IFIH1: variants seen among roughly 807,000 people sequenced by gnomAD.
IFIH1 encodes the protein interferon induced with helicase C domain 1.
In IFIH1, 125 loss-of-function variants were observed where a neutral mutation model predicts 107.4. That is an observed-to-expected ratio of 1.16 (90% CI 1.01 to 1.35). IFIH1 has a LOEUF of 1.35. IFIH1 is among the 40% of genes most tolerant of loss of function. The pLI is 0.00. For synonymous variants in IFIH1, 458 were observed against 413.2 expected (o/e 1.11, Z -1.31); for missense variants, 1,333 against 1,213.7 (o/e 1.10, Z -1.46).
At chr2:162,276,288 GA>G (rs1691153318) in intron 11 of IFIH1, among the ~76,000 whole-genome samples, 1 of 152,248 alleles carries the variant, frequency 6.6e-6, no homozygotes, top group African/African-American at 2.4e-5. Context: ...AACAATTTGA[GA>G]AGAGTAATAA....
rs1231638178 is a variant in IFIH1, at chr2:162,317,880, A to G, written c.428T>C (p.Leu143Pro). 29 of 1,593,716 alleles carry G rather than the reference A, an allele frequency of 1.8e-5. No individual in the cohort carries two copies. Among genetic ancestry groups the G allele is most frequent in the Middle Eastern group, 1.7e-4 (1 of 5,934 alleles). Residue 143 changes from leucine to proline, a missense_variant, in exon 1 of 16, where the codon CTG becomes CCG. Leu to Pro is a moderately conservative substitution (Grantham distance 98, BLOSUM62 -3). Coordinates refer to ENST00000649979, the MANE Select transcript of IFIH1 (RefSeq NM_022168.4). Reference protein sequence around the residue: ...DVLDKCMEEELLTIEDRNRIA... With the variant: ...DVLDKCMEEEPLTIEDRNRIA... ...CCGGTTTCTGTCTTCAATTGTCAACAGTTCCTCCTCCATGCACTTATCCAA... is the reference window on the plus strand; with the variant it reads ...CCGGTTTCTGTCTTCAATTGTCAACGGTTCCTCCTCCATGCACTTATCCAA...
intron 3 of IFIH1, among the ~76,000 whole-genome samples, chr2:162,300,663 A>G (rs1683177541): frequency 6.6e-6 from 1 of 152,242 alleles, no homozygotes; most frequent in South Asian, 2.1e-4. Flanking sequence ...CTAGTTCTCA[A>G]TAATTAATGA....
In IFIH1 at chr2:162,268,114, T is replaced by C. The variant is rs747311719; in HGVS notation, c.2780A>G (p.His927Arg). The C allele has an allele frequency of 4.4e-6, 7 of 1,607,550 alleles. No individual in the cohort carries two copies. The highest frequency in any genetic ancestry group is 1.1e-5 in the South Asian group (1 of 89,202). The change falls in exon 14 of 16, where the codon CAT becomes CGT. Residue 927 changes from histidine (H) to arginine (R), a missense_variant. By Grantham distance (29) the His-to-Arg change is conservative. Coordinates refer to ENST00000649979, the MANE Select transcript of IFIH1 (RefSeq NM_022168.4). The part of the protein sequence containing the change: ...GEDIHVIEKM[H>R]HVNMTPEFKE... ...GAATTCTGGGGTCATATTGACGTGATGCATTTTCTCAATTACATGGATATC... is the reference window on the plus strand; with the variant it reads ...GAATTCTGGGGTCATATTGACGTGACGCATTTTCTCAATTACATGGATATC...
At chr2:162,284,724 G>A (rs1242858851) in intron 5 of IFIH1, among the ~76,000 whole-genome samples, 1 of 151,552 alleles carries the variant, frequency 6.6e-6, no homozygotes, top group Non-Finnish European at 1.5e-5. Context: ...ATCTGAGAGT[G>A]CTTTATAAAG....
At position 162,267,219 on chromosome 2, in the gene IFIH1, A is replaced by G. The variant is rs1345435216; in HGVS notation, c.3059T>C (p.Leu1020Ser). 1 of 1,593,196 alleles carries G rather than the reference A, an allele frequency of 6.3e-7. No homozygotes were observed. The highest frequency in any genetic ancestry group is 1.4e-5 in the African/African-American group (1 of 73,326). The change falls in exon 16 of 16, where the codon TTA becomes TCA. Residue 1020 changes from leucine (L) to serine (S), a missense_variant. Transcript: ENST00000649979. ...CAAGTGCTAATCCTCATCACTAAATAAACAGCATTCTGAATAGTCAAGATT... is the reference window on the plus strand; with the variant it reads ...CAAGTGCTAATCCTCATCACTAAATGAACAGCATTCTGAATAGTCAAGATT... The part of the protein sequence containing the change: ...FPNLDYSECC[L>S]FSDED
intron 2 of IFIH1, 57 bp from the exon 3 acceptor site, chr2:162,306,912 A>T: frequency 6.8e-7 from 1 of 1,465,280 alleles, no homozygotes; most frequent in African/African-American, 1.4e-5. Context: ...TTTGTAGAGC[A>T]TACATAACTG....
chr2:162,280,580 A>G (rs920234446), intron 7 of IFIH1, among the ~76,000 whole-genome samples: 1 of 152,084 alleles, frequency 6.6e-6, no homozygotes, highest in Admixed American at 6.6e-5. Context: ...GCATCTACAC[A>G]TAAAGCTGGG....
chr2:162,291,704 C>T (rs1682999913), intron 4 of IFIH1, among the ~76,000 whole-genome samples: 2 of 151,930 alleles, frequency 1.3e-5, no homozygotes, highest in East Asian at 3.9e-4. Context: ...GATTAAAACA[C>T]AATTGCAAAT....
intron 12 of IFIH1, among the ~76,000 whole-genome samples, chr2:162,273,465 C>G (rs1382313626): frequency 1.3e-5 from 2 of 152,112 alleles, no homozygotes; most frequent in East Asian, 3.9e-4. Flanking sequence ...CCTGGTCCAG[C>G]TGGGGGCTCA....
Position 162,310,857 on chromosome 2 carries a change from C to A in IFIH1, c.530G>T (p.Trp177Leu). ...LLKRIVQKEN[W>L]FSAFLNVLRQ... ...AAGAACATTCAGAAATGCAGAGAAC[C>A]AGTTTTCTTTCTGCACAATCCTTTT... Residue 177 changes from tryptophan (W) to leucine (L), a missense_variant, in exon 2 of 16, where the codon TGG becomes TTG. Coordinates refer to ENST00000649979, the MANE Select transcript of IFIH1 (RefSeq NM_022168.4). The A allele has an allele frequency of 6.2e-7, 1 of 1,612,618 alleles. No individual in the cohort carries two copies. Among genetic ancestry groups the A allele is most frequent in the Non-Finnish European group, 8.5e-7 (1 of 1,178,752 alleles).
chr2:162,314,399 CTTTCTTT>C lies in IFIH1; in HGVS notation c.453+3449_453+3455del, dbSNP rs1683438130. 1.8e-4 allele frequency among the ~76,000 whole-genome samples: 10 copies of C among 56,762 alleles called. 1 individual carries two copies. Among genetic ancestry groups the C allele is most frequent in the African/African-American group, 9.4e-4 (10 of 10,596 alleles). 37.2% of individuals were successfully genotyped at this position (56,762 alleles called of 152,430 possible). On this transcript the variant is annotated intron_variant, in intron 1 of 15. Coordinates refer to ENST00000649979, the MANE Select transcript of IFIH1 (RefSeq NM_022168.4). Reference sequence around the variant, plus strand: ...CCCTCCCTCCCTCCCTCCCTCCCTCCTTTCTTTCTTTCTTTCTTTTCTTTCTTTCTTT... The same window carrying C: ...CCCTCCCTCCCTCCCTCCCTCCCTCCCTTTCTTTCTTTTCTTTCTTTCTTT...
Position 162,279,978 on chromosome 2 carries a change from A to C in IFIH1, c.1641+18T>G. 1 of 1,277,810 alleles carries C rather than the reference A, an allele frequency of 7.8e-7. No individual in the cohort carries two copies. Among genetic ancestry groups the C allele is most frequent in the Non-Finnish European group, 1.1e-6 (1 of 873,942 alleles). 79.2% of individuals were successfully genotyped at this position (1,277,810 alleles called of 1,614,324 possible). ...TGTAGTATTGTCAATCAATAGATAT[A>C]AAACATTAAGCCCATACTTCTCTGG... On this transcript the variant is annotated intron_variant, in intron 8 of 15. Coordinates refer to ENST00000649979, the MANE Select transcript of IFIH1 (RefSeq NM_022168.4).
At chr2:162,281,990 T>C (rs1682818194) in intron 6 of IFIH1, among the ~76,000 whole-genome samples, 1 of 152,016 alleles carries the variant, frequency 6.6e-6, no homozygotes, top group Non-Finnish European at 1.5e-5. Context: ...TTAGTTATTA[T>C]AAATTATTTT....
intron 2 of IFIH1, chr2:162,310,379 A>G (rs762392388): frequency 2.4e-5 from 7 of 286,202 alleles, no homozygotes; most frequent in Non-Finnish European, 3.9e-5. Context: ...TCAAATGCTT[A>G]ATACATTGCT....
chr2:162,289,003 C>T (rs959932740), intron 4 of IFIH1, among the ~76,000 whole-genome samples: 15 of 150,902 alleles, frequency 9.9e-5, no homozygotes, highest in African/African-American at 2.7e-4. Flanking sequence ...GAGGCAACTA[C>T]GTTGTACAGA....
Position 162,297,884 on chromosome 2 carries a change from G to GA in IFIH1, c.770-4217dup, listed in dbSNP as rs1014823704. Among the ~76,000 whole-genome samples the GA allele has an allele frequency of 1.3e-3, 200 of 149,778 alleles. 2 individuals are homozygous for GA. The highest frequency in any genetic ancestry group is 4.6e-3 in the African/African-American group (186 of 40,788). On this transcript the variant is annotated intron_variant, in intron 3 of 15. Coordinates refer to ENST00000649979, the MANE Select transcript of IFIH1 (RefSeq NM_022168.4). ...GCCTAAGACCAGCCCAAAAGCCATG[G>GA]AAAAAAAAAGCCTTATTTTGCAATC... is the stretch of plus-strand genomic sequence containing the variant.
intron 1 of IFIH1, among the ~76,000 whole-genome samples, chr2:162,313,235 T>A (rs1488416664): frequency 3.3e-5 from 5 of 152,202 alleles, no homozygotes; most frequent in African/African-American, 1.2e-4. Flanking sequence ...ATTTAATATG[T>A]TCTCCTAAAA....
At chr2:162,272,818 G>A (rs1417915479) in intron 12 of IFIH1, among the ~76,000 whole-genome samples, 1 of 152,018 alleles carries the variant, frequency 6.6e-6, no homozygotes, top group Non-Finnish European at 1.5e-5. Context: ...TCAGTTTCTG[G>A]CATCCTACAT....
In IFIH1 at chr2:162,272,424, C is replaced by T. The variant is rs200192384; in HGVS notation, c.2455-37G>A. On this transcript the variant is annotated intron_variant, in intron 12 of 15. Transcript: ENST00000649979. ...AATAAATCAAGTAAATGAAAGGGTA[C>T]GTTGTGATACAAATCCTCCTGGTTT... 2.1e-4 allele frequency: 335 copies of T among 1,572,184 alleles called. No homozygotes were observed. The African/African-American group carries it at 3.9e-3, about 18-fold the overall frequency.
Sources: gnomAD v4.1 joint callset for allele counts (sites outside exome capture counted in the v4.1 genomes callset) on GRCh38, gnomAD v4.1.1 for gene constraint, MANE v1.5 for transcripts, NCBI Gene and HGNC (gene_info 2026-07-23, HGNC 2026-07-21) for gene names.